The following SASS6 variants were observed in gnomAD, a reference collection of about 807,000 sequenced individuals.
SASS6 encodes the protein spindle assembly abnormal protein 6 homolog.
Under a neutral mutation model 94.9 loss-of-function variants are expected in SASS6, and 59 were observed. The ratio of observed to expected loss-of-function variants is 0.62; its 90% CI spans 0.50 to 0.77. SASS6 has a LOEUF of 0.77. Among genes scored for constraint, SASS6 ranks in the 30% least tolerant of loss-of-function variants. The pLI, the probability that SASS6 is intolerant of heterozygous loss-of-function variation, is 0.00. For missense variants in SASS6, 698 were observed against 734.1 expected, an observed-to-expected ratio of 0.95 and a Z score of 0.57; for synonymous variants, 264 against 270.0, an observed-to-expected ratio of 0.98 and a Z score of 0.22.
chr1:100,124,879 G>A (rs1654458189), intron 2 of SASS6, among the ~76,000 whole-genome samples: 1 of 152,080 alleles, frequency 6.6e-6, no homozygotes, highest in South Asian at 2.1e-4. Flanking sequence ...TTCACAATAG[G>A]GTTTGCACTC....
Position 100,107,933 on chromosome 1 carries a change from G to C in SASS6, c.933C>G (p.His311Gln). The C allele has an allele frequency of 1.1e-5, 18 of 1,612,022 alleles. No individual in the cohort carries two copies. Among genetic ancestry groups the C allele is most frequent in the Non-Finnish European group, 1.5e-5 (18 of 1,178,704 alleles). ...GCTGATTAACGTGCTTTTCTTTCTC[G>C]TGGCATTCAACATCTAGTGTAGAAT... is the stretch of plus-strand genomic sequence containing the variant. ...RENSTLDVEC[H>Q]EKEKHVNQLQ... Residue 311 changes from histidine (H) to glutamine (Q), a missense_variant, in exon 9 of 17, where the codon CAC becomes CAG. Physicochemically the swap from His to Gln is conservative, Grantham distance 24. Transcript: ENST00000287482.
intron 7 of SASS6, among the ~76,000 whole-genome samples, chr1:100,117,181 A>T (rs574583177): frequency 1.3e-5 from 2 of 151,768 alleles, no homozygotes; most frequent in Non-Finnish European, 2.9e-5. Context: ...AATTCCAGCT[A>T]CTTGGGAGGC....
In SASS6 at chr1:100,105,868, G is replaced by T; in HGVS notation, c.1444C>A (p.Gln482Lys). 1 of 1,608,626 alleles carries T rather than the reference G, an allele frequency of 6.2e-7. No individual in the cohort carries two copies. The highest frequency in any genetic ancestry group is 1.3e-5 in the African/African-American group (1 of 74,820). Residue 482 changes from glutamine (Q) to lysine (K), a missense_variant, in exon 13 of 17, where the codon CAG becomes AAG. By Grantham distance (53) the Gln-to-Lys change is moderately conservative. Coordinates refer to ENST00000287482, the MANE Select transcript of SASS6 (RefSeq NM_194292.3). ...AATACATCTTGCTTTCTCACTAGCT[G>T]ATTTTCATTTAGTTCTTTATTTAAC... ...TWLNKELNENQLVRKQDVLGP... is the reference protein window; with the variant it reads ...TWLNKELNENKLVRKQDVLGP...
chr1:100,119,812 A>G (rs746413311), intron 6 of SASS6, among the ~76,000 whole-genome samples: 48 of 152,192 alleles, frequency 3.2e-4, no homozygotes, highest in Non-Finnish European at 3.2e-4. Context: ...ACTAGAAGCC[A>G]AGCAGATGTT....
intron 1 of SASS6, among the ~76,000 whole-genome samples, chr1:100,130,929 A>G (rs1654959207): frequency 1.3e-5 from 2 of 152,214 alleles, no homozygotes; most frequent in South Asian, 4.1e-4. Flanking sequence ...CAGTGAGCCA[A>G]CTGGCCCATG....
In SASS6 at chr1:100,116,424, G is replaced by A. The variant is rs563086568; in HGVS notation, c.669+2594C>T. Reference sequence around the variant, plus strand: ...TATCAGATAGTATTACATACCCATAGAATGGCAATGTAAACCGGTATACCT... The same window carrying A: ...TATCAGATAGTATTACATACCCATAAAATGGCAATGTAAACCGGTATACCT... On this transcript the variant is annotated intron_variant, in intron 7 of 16. Coordinates refer to ENST00000287482, the MANE Select transcript of SASS6 (RefSeq NM_194292.3). Among the ~76,000 whole-genome samples the A allele has an allele frequency of 1.4e-4, 22 of 152,272 alleles. No homozygotes were observed. In the South Asian group the frequency reaches 3.5e-3, roughly 24 times the overall value.
At chr1:100,124,005 C>T (rs1245455356) in intron 2 of SASS6, among the ~76,000 whole-genome samples, 1 of 152,140 alleles carries the variant, frequency 6.6e-6, no homozygotes, top group Non-Finnish European at 1.5e-5. Flanking sequence ...GCATTAGTTA[C>T]AAGATGATGT....
chr1:100,113,563 G>A (rs1226391388), intron 7 of SASS6, among the ~76,000 whole-genome samples: 1 of 151,242 alleles, frequency 6.6e-6, no homozygotes, highest in Non-Finnish European at 1.5e-5. Flanking sequence ...AGAGCTTTCA[G>A]TGAGTTGAGA....
intron 7 of SASS6, among the ~76,000 whole-genome samples, chr1:100,113,379 C>T (rs142373521): frequency 0.1 from 15,620 of 151,884 alleles, 886 homozygotes; most frequent in African/African-American, 0.13. Flanking sequence ...GAGGCTGAGG[C>T]GGGCGGATCA....
chr1:100,089,617 GA>G (rs968688580), intron 14 of SASS6, among the ~76,000 whole-genome samples: 25 of 151,954 alleles, frequency 1.6e-4, no homozygotes, highest in Non-Finnish European at 5.9e-5. Flanking sequence ...ATACAGATAG[GA>G]AAAAAACTTG....
chr1:100,108,808 A>G lies in SASS6; in HGVS notation c.862-804T>C, dbSNP rs149840458. 8.2e-3 allele frequency among the ~76,000 whole-genome samples: 1,242 copies of G among 152,248 alleles called. 18 individuals carry two copies. The highest frequency in any genetic ancestry group is 0.028 in the African/African-American group (1,169 of 41,568). ...CAGTTCCCTCATTTGTAAAACAGAA[A>G]TAACAAATACTTAATAAATTATTTC... is the stretch of plus-strand genomic sequence containing the variant. On this transcript the variant is annotated intron_variant, in intron 8 of 16. Coordinates refer to ENST00000287482, the MANE Select transcript of SASS6 (RefSeq NM_194292.3).
At chr1:100,099,477 A>T (rs1310837637) in intron 14 of SASS6, 1 of 152,954 alleles carries the variant, frequency 6.5e-6, no homozygotes, top group Non-Finnish European at 1.5e-5. Flanking sequence ...GAGAATCAAG[A>T]GATGCCTAGG....
chr1:100,108,668 A>G (rs1653094630), intron 8 of SASS6, among the ~76,000 whole-genome samples: 1 of 152,144 alleles, frequency 6.6e-6, no homozygotes, highest in Non-Finnish European at 1.5e-5. Flanking sequence ...ATAATTATAC[A>G]GTATTGTGAC....
intron 13 of SASS6, among the ~76,000 whole-genome samples, 184 bp downstream of exon 13, chr1:100,105,583 G>C (rs986295241): frequency 3.5e-4 from 53 of 152,072 alleles, no homozygotes; most frequent in African/African-American, 1.3e-3. Flanking sequence ...CTCAGCCTCT[G>C]TTCAGAGCAA....
chr1:100,101,207 C>T (rs1407732747), intron 14 of SASS6, among the ~76,000 whole-genome samples: 1 of 152,082 alleles, frequency 6.6e-6, no homozygotes, highest in East Asian at 1.9e-4. Flanking sequence ...TAAATCCTAA[C>T]ATCAGATTCC....
In SASS6 at chr1:100,103,080, C is replaced by A. The variant is rs1287839010; in HGVS notation, c.1549G>T (p.Asp517Tyr). 5 of 1,580,736 alleles carry A rather than the reference C, an allele frequency of 3.2e-6. No individual in the cohort carries two copies. In the South Asian group the frequency reaches 3.4e-5, roughly 11 times the overall value. Residue 517 changes from aspartate to tyrosine, a missense_variant, in exon 14 of 17, where the codon GAT becomes TAT. Transcript: ENST00000287482. ...SGISPNLNVV[D>Y]GRLTYPTCGI... ...CAGGTTGGGTAAGTCAGTCTACCATCAACCTAAAAATAAAAACATAAAGAT... is the reference window on the plus strand; with the variant it reads ...CAGGTTGGGTAAGTCAGTCTACCATAAACCTAAAAATAAAAACATAAAGAT...
intron 1 of SASS6, among the ~76,000 whole-genome samples, chr1:100,129,187 T>C (rs1654834962): frequency 6.6e-6 from 1 of 151,584 alleles, no homozygotes. Context: ...CAGTAAGCCA[T>C]GATTATGACA....
chr1:100,098,270 C>A (rs1335521316), intron 14 of SASS6, among the ~76,000 whole-genome samples: 4 of 150,836 alleles, frequency 2.7e-5, no homozygotes, highest in South Asian at 4.2e-4. Context: ...CAAAAAAAAA[C>A]GAATAAAAGA....
At position 100,108,324 on chromosome 1, in the gene SASS6, C is replaced by T. The variant is rs544855748; in HGVS notation, c.862-320G>A. On this transcript the variant is annotated intron_variant, in intron 8 of 16. Coordinates refer to ENST00000287482, the MANE Select transcript of SASS6 (RefSeq NM_194292.3). The stretch of plus-strand genomic sequence containing the variant: ...CCACAACTGATTCCAAGGGTAACCA[C>T]GGGTGAGAGCCGCCACAATGTAGAC... Among the ~76,000 whole-genome samples, 16 of 152,104 alleles carry T rather than the reference C, an allele frequency of 1.1e-4. 1 individual carries two copies. The South Asian group carries it at 2.7e-3, about 26-fold the overall frequency.
Sources: allele counts gnomAD v4.1 joint callset (sites outside exome capture counted in the v4.1 genomes callset), GRCh38; gene constraint gnomAD v4.1.1; transcripts MANE v1.5; gene names NCBI Gene and HGNC (gene_info 2026-07-23, HGNC 2026-07-21).